TSPOAP1: variants seen among roughly 807,000 people sequenced by gnomAD.
TSPOAP1 encodes peripheral-type benzodiazepine receptor-associated protein 1.
A neutral mutation model predicts 197.0 loss-of-function variants in TSPOAP1; 87 were observed. The ratio of observed to expected loss-of-function variants is 0.44; its 90% CI spans 0.37 to 0.53. The LOEUF is 0.53. Among genes scored for constraint, TSPOAP1 ranks in the 20% least tolerant of loss-of-function variants. The probability of loss-of-function intolerance (pLI) is 0.00; values close to 1 mark genes in which losing one functional copy is unlikely to be tolerated. For missense variants in TSPOAP1, 2,174 were observed against 2,411.3 expected (o/e 0.90, Z 2.06); for synonymous variants, 913 against 998.9 (o/e 0.91, Z 1.62).
In TSPOAP1 at chr17:58,322,975, C is replaced by G. The variant is rs1971447809; in HGVS notation, c.1169G>C (p.Ser390Thr). Residue 390 changes from serine to threonine, a missense_variant, in exon 8 of 32, where the codon AGT becomes ACT. Ser to Thr is a moderately conservative substitution (Grantham distance 58). Around this residue, in one of 5 missense-constraint regions of TSPOAP1, gnomAD observed 1,933 missense variants for 2,139.0 expected, o/e 0.90. Coordinates refer to ENST00000343736, the MANE Select transcript of TSPOAP1 (RefSeq NM_004758.4). This position sits in a 1 kb window ranked among gnomAD's most constrained non-coding sequence, Gnocchi z 5.0. ...CTGCTCCTTCTCTGTGGCTCTCCCACTGAGCCGGGAGTTCTCCTCCACCAG... is the reference window on the plus strand; with the variant it reads ...CTGCTCCTTCTCTGTGGCTCTCCCAGTGAGCCGGGAGTTCTCCTCCACCAG... ...ARLVEENSRL[S>T]GRATEKEQVE... 6.2e-7 allele frequency: 1 copy of G among 1,611,330 alleles called. No homozygotes were observed. The highest frequency in any genetic ancestry group is 1.7e-5 in the Admixed American group (1 of 59,500).
chr17:58,305,032 C>T, intron 30 of TSPOAP1, 29 bp downstream of exon 30: 1 of 1,570,200 alleles, frequency 6.4e-7, no homozygotes, highest in Non-Finnish European at 8.8e-7. Flanking sequence ...GACTGCCCTG[C>T]CAAGCTGGGA....
chr17:58,313,551 G>T (rs770976191), intron 16 of TSPOAP1, among the ~76,000 whole-genome samples: 2 of 150,354 alleles, frequency 1.3e-5, no homozygotes, highest in South Asian at 2.1e-4. Flanking sequence ...GCAGAAGCTA[G>T]AAGTCATAAT....
chr17:58,320,071 C>T, intron 12 of TSPOAP1, 38 bp downstream of exon 12: 1 of 1,613,862 alleles, frequency 6.2e-7, no homozygotes, highest in East Asian at 2.2e-5. Context: ...ACTCAGCCAG[C>T]CTGGAGAGGT....
intron 27 of TSPOAP1, 41 bp from the exon 28 acceptor site, chr17:58,305,684 G>T: frequency 1.5e-6 from 2 of 1,358,808 alleles, no homozygotes; most frequent in Non-Finnish European, 2.1e-6. Flanking sequence ...TCTCTGGAGA[G>T]CCCTACACCC....
In TSPOAP1 at chr17:58,312,350, T is replaced by A; in HGVS notation, c.2471A>T (p.His824Leu). The A allele has an allele frequency of 6.2e-7, 1 of 1,612,286 alleles. No homozygotes were observed. Among genetic ancestry groups the A allele is most frequent in the Non-Finnish European group, 8.5e-7 (1 of 1,179,452 alleles). ...PPEQVELHGF[H>L]ICVNGELRQA... Reference sequence around the variant, plus strand: ...TCGCAGCTCCCCATTCACACAGATATGGAAGCCGTGTAGCTCCACTTGCTC... The same window carrying A: ...TCGCAGCTCCCCATTCACACAGATAAGGAAGCCGTGTAGCTCCACTTGCTC... Residue 824 changes from histidine to leucine, a missense_variant, in exon 17 of 32, where the codon CAT becomes CTT. His to Leu is a moderately conservative substitution (Grantham distance 99). Around this residue, in one of 5 missense-constraint regions of TSPOAP1, gnomAD observed 1,933 missense variants for 2,139.0 expected, o/e 0.90. Transcript: ENST00000343736.
chr17:58,320,446 G>A (rs1298890561), intron 11 of TSPOAP1, 85 bp downstream of exon 11: 6 of 1,388,484 alleles, frequency 4.3e-6, no homozygotes, highest in South Asian at 1.5e-5. Context: ...TCTCCCCACC[G>A]CCATAGTCCA....
chr17:58,325,265 C>T (rs1032315679), intron 4 of TSPOAP1, among the ~76,000 whole-genome samples: 2 of 152,196 alleles, frequency 1.3e-5, no homozygotes, highest in African/African-American at 4.8e-5. Flanking sequence ...TTGTGAACAT[C>T]CCTTCACACA....
At chr17:58,320,396 C>A in intron 11 of TSPOAP1, 135 bp downstream of exon 11, 1 of 1,128,884 alleles carries the variant, frequency 8.9e-7, no homozygotes, top group Non-Finnish European at 1.2e-6. Context: ...AGGGGACTCC[C>A]CCAGGTCCTG....
rs1598063078 is a variant in TSPOAP1 at position 58,311,377 on chromosome 17, C to T, written c.3082-164G>A. ...GCCTATCTCATTTCATCCTCCTGGCCATATGGCTTCAGTGATGGAACAGTT... is the reference window on the plus strand; with the variant it reads ...GCCTATCTCATTTCATCCTCCTGGCTATATGGCTTCAGTGATGGAACAGTT... On this transcript the variant is annotated intron_variant, in intron 18 of 31. Coordinates refer to ENST00000343736, the MANE Select transcript of TSPOAP1 (RefSeq NM_004758.4). 5.6e-6 allele frequency: 7 copies of T among 1,245,066 alleles called. No individual in the cohort carries two copies. In the East Asian group the frequency reaches 1.8e-4, roughly 32 times the overall value. 77.1% of individuals were successfully genotyped at this position (1,245,066 alleles called of 1,614,324 possible). A position where few individuals can be genotyped will look rare whatever the true frequency, so the allele number is the denominator to read the frequency against.
At position 58,310,833 on chromosome 17, in the gene TSPOAP1, T is replaced by A; in HGVS notation, c.3459+3A>T. ...CCTGCTCCCCTCTCCCCAGACAGGG[T>A]ACCTGGGAGCAAGGTGCTGGAGGGT... is the stretch of plus-strand genomic sequence containing the variant. On this transcript the variant is annotated splice_donor_region_variant and intron_variant, in intron 19 of 31. Coordinates refer to ENST00000343736, the MANE Select transcript of TSPOAP1 (RefSeq NM_004758.4). 6.4e-7 allele frequency: 1 copy of A among 1,562,050 alleles called. No homozygotes were observed. Among genetic ancestry groups the A allele is most frequent in the Non-Finnish European group, 8.7e-7 (1 of 1,152,438 alleles).
rs765836371 is a variant in TSPOAP1 at position 58,308,834 on chromosome 17, G to A, written c.4438C>T (p.Arg1480Trp). The change falls in exon 22 of 32, where the codon CGG becomes TGG. Residue 1480 changes from arginine (R) to tryptophan (W), a missense_variant. Arg to Trp is a moderately radical substitution (Grantham distance 101). Transcript: ENST00000343736. Reference sequence around the variant, plus strand: ...CTGGCCAGGCCAGGCTCCAGCGCCCGGCCACGGGAGCACCTCCGGGAAGGG... The same window carrying A: ...CTGGCCAGGCCAGGCTCCAGCGCCCAGCCACGGGAGCACCTCCGGGAAGGG... ...LGPSRRCSRG[R>W]ALEPGLASCL... 52 of 1,611,756 alleles carry A rather than the reference G, an allele frequency of 3.2e-5. 1 individual carries two copies. In the East Asian group the frequency reaches 9.6e-4, roughly 30 times the overall value.
rs781678688 is a variant in TSPOAP1 at position 58,326,656 on chromosome 17, C to G, written c.441+27G>C. On this transcript the variant is annotated intron_variant, in intron 2 of 31. Coordinates refer to ENST00000343736, the MANE Select transcript of TSPOAP1 (RefSeq NM_004758.4). This position sits in a 1 kb window ranked among gnomAD's most constrained non-coding sequence, Gnocchi z 4.7. ...GCAGAGGGCCTGGCTCCAGCCAGAA[C>G]GCAGCACCCCAGTCTCCAAGCCTCA... The G allele has an allele frequency of 1.9e-6, 3 of 1,609,280 alleles. No individual in the cohort carries two copies. Among genetic ancestry groups the G allele is most frequent in the Non-Finnish European group, 2.6e-6 (3 of 1,176,066 alleles).
intron 29 of TSPOAP1, 90 bp from the exon 30 acceptor site, chr17:58,305,261 C>A: frequency 2.0e-6 from 3 of 1,484,070 alleles, no homozygotes; most frequent in Non-Finnish European, 1.9e-6. Flanking sequence ...CAGCTGGGGC[C>A]AAAACCACTG....
Position 58,322,660 on chromosome 17 carries a change from C to T in TSPOAP1, c.1311G>A (p.Val437=), listed in dbSNP as rs779288668. The T allele has an allele frequency of 1.9e-6, 3 of 1,610,244 alleles. No homozygotes were observed. The highest frequency in any genetic ancestry group is 2.5e-6 in the Non-Finnish European group (3 of 1,179,956). ...ACCTGCACCATCTCCTCACCTTCAG[C>T]ACTTGCTCCAGGCTCTCCAGCTTGC... ...LQSKLESLEQ[V]LKHMREVAQR... The change falls in exon 9 of 32, where the codon GTG becomes GTA. Residue 437 remains valine, a synonymous_variant. Transcript: ENST00000343736. This position sits in a 1 kb window ranked among gnomAD's most constrained non-coding sequence, Gnocchi z 5.0.
chr17:58,306,640 C>A, intron 25 of TSPOAP1, 160 bp downstream of exon 25: 1 of 1,019,256 alleles, frequency 9.8e-7, no homozygotes, highest in Admixed American at 2.7e-5. Context: ...GGCCAGCCCA[C>A]GTACAGTCTG....
In TSPOAP1 at chr17:58,309,519, C is replaced by T. The variant is rs567276037; in HGVS notation, c.3892-139G>A. On this transcript the variant is annotated intron_variant, in intron 21 of 31. Transcript: ENST00000343736. This position sits in a 1 kb window ranked among gnomAD's most constrained non-coding sequence, Gnocchi z 5.0. ...CCCACAGCCCTCCCACGGCTTCCTC[C>T]GAGAGGAGAGAACCAGAGGGACGGT... 2.1e-5 allele frequency: 26 copies of T among 1,239,210 alleles called. No individual in the cohort carries two copies. Among genetic ancestry groups the T allele is most frequent in the African/African-American group, 1.1e-4 (7 of 65,830 alleles). 76.8% of individuals were successfully genotyped at this position (1,239,210 alleles called of 1,614,324 possible).
chr17:58,311,355 T>C, intron 18 of TSPOAP1, 142 bp from the exon 19 acceptor site: 1 of 1,311,090 alleles, frequency 7.6e-7, no homozygotes, highest in African/African-American at 1.5e-5. Context: ...CTGCATGGCC[T>C]ATCTCATTTC....
chr17:58,325,658 A>C lies in TSPOAP1; in HGVS notation c.626T>G (p.Leu209Arg). Residue 209 changes from leucine to arginine, a missense_variant, in exon 4 of 32, where the codon CTA becomes CGA. Leu to Arg is a moderately radical substitution (Grantham distance 102). This residue lies in a region of TSPOAP1 where 1,933 missense variants were observed against 2,139.0 expected (regional missense o/e 0.90). Coordinates refer to ENST00000343736, the MANE Select transcript of TSPOAP1 (RefSeq NM_004758.4). Reference protein sequence around the residue: ...GTSLELCRKALARQRARDLSE... With the variant: ...GTSLELCRKARARQRARDLSE... ...GAGGTCCCGGGCTCGCTGGCGGGCT[A>C]GGGCCTTCCGACACAACTCCAAGCT... 6.2e-7 allele frequency: 1 copy of C among 1,613,124 alleles called. No homozygotes were observed. Among genetic ancestry groups the C allele is most frequent in the Non-Finnish European group, 8.5e-7 (1 of 1,179,960 alleles).
In TSPOAP1 at chr17:58,310,517, C is replaced by T. The variant is rs780104119; in HGVS notation, c.3694G>A (p.Ala1232Thr). The T allele has an allele frequency of 6.2e-7, 1 of 1,613,262 alleles. No individual in the cohort carries two copies. Among genetic ancestry groups the T allele is most frequent in the Non-Finnish European group, 8.5e-7 (1 of 1,179,930 alleles). ...GDPGSGLRPR[A>T]EKEDTAELGV... ...GTGTGTCCCCAAACCCCTACCTCAG[C>T]CCTGGGCCTCAGCCCAGACCCTGGG... is the stretch of plus-strand genomic sequence containing the variant. Residue 1232 changes from alanine to threonine, a missense_variant, in exon 20 of 32, where the codon GCT becomes ACT. Around this residue, in one of 5 missense-constraint regions of TSPOAP1, gnomAD observed 1,933 missense variants for 2,139.0 expected, o/e 0.90. Coordinates refer to ENST00000343736, the MANE Select transcript of TSPOAP1 (RefSeq NM_004758.4).
Sources: gnomAD v4.1 joint callset for allele counts (sites outside exome capture counted in the v4.1 genomes callset) on GRCh38, gnomAD v4.1.1 for gene constraint, gnomAD v4.1.1 regional missense constraint, Gnocchi (gnomAD v3.1) non-coding constraint, MANE v1.5 for transcripts, NCBI Gene and HGNC (gene_info 2026-07-23, HGNC 2026-07-21) for gene names.